Variants in ZFYVE26 observed in about 807,000 individuals in gnomAD.
ZFYVE26 encodes zinc finger FYVE-type containing 26, also known as zinc finger FYVE domain-containing protein 26.
In ZFYVE26, 181 loss-of-function variants were observed where a neutral mutation model predicts 276.5. The observed-to-expected ratio is 0.65, with a 90% CI of 0.58 to 0.74. The LOEUF (loss-of-function observed/expected upper bound fraction) is 0.74. ZFYVE26 is among the 30% of genes least tolerant of loss of function. ZFYVE26 has a pLI of 0.00. For synonymous variants in ZFYVE26, 1,129 were observed against 1,203.1 expected (o/e 0.94, Z 1.27); for missense variants, 2,821 against 3,097.9 (o/e 0.91, Z 2.12).
At chr14:67,770,777 C>T (rs551942911) in intron 28 of ZFYVE26, among the ~76,000 whole-genome samples, 1 of 152,260 alleles carries the variant, frequency 6.6e-6, no homozygotes, top group South Asian at 2.1e-4. Context: ...GAAACTCTTT[C>T]TATAATCTAC....
In ZFYVE26 at chr14:67,786,183, G is replaced by A. The variant is rs267604032; in HGVS notation, c.3070C>T (p.Pro1024Ser). ...TTACTGATTTGCTGAAGAACAACTG[G>A]AAAACCTCGAATGCCATCAGCATTT... Reference protein sequence around the residue: ...LLNADGIRGFPVVLQQISKSL... With the variant: ...LLNADGIRGFSVVLQQISKSL... Residue 1024 changes from proline (P) to serine (S), a missense_variant, in exon 17 of 42, where the codon CCA becomes TCA. Transcript: ENST00000347230. 1 of 1,602,130 alleles carries A rather than the reference G, an allele frequency of 6.2e-7. No individual in the cohort carries two copies.
At chr14:67,736,415 A>G (rs952598512) in intron 13 of ZFYVE26, among the ~76,000 whole-genome samples, 1 of 152,230 alleles carries the variant, frequency 6.6e-6, no homozygotes, top group African/African-American at 2.4e-5. Flanking sequence ...AAACATAGAC[A>G]ATGTCATAAG....
chr14:67,809,000 C>A (rs1294107166), intron 4 of ZFYVE26, among the ~76,000 whole-genome samples, 200 bp downstream of exon 4: 1 of 152,176 alleles, frequency 6.6e-6, no homozygotes, highest in Non-Finnish European at 1.5e-5. Context: ...CTTGGTACTT[C>A]TGGACAACCA....
At chr14:67,795,593 C>T (rs987750056) in intron 12 of ZFYVE26, among the ~76,000 whole-genome samples, 2 of 152,170 alleles carry the variant, frequency 1.3e-5, no homozygotes, top group African/African-American at 2.4e-5. Context: ...CTCAAGATAC[C>T]TAGTATTGTT....
intron 14 of ZFYVE26, among the ~76,000 whole-genome samples, chr14:67,791,650 T>C (rs2039815717): frequency 6.6e-6 from 1 of 151,210 alleles, no homozygotes; most frequent in Non-Finnish European, 1.5e-5. Context: ...AATAAAAGTT[T>C]TTATTGAAAA....
intron 14 of ZFYVE26, 126 bp from the exon 15 acceptor site, chr14:67,790,899 A>T: frequency 1.2e-6 from 1 of 842,000 alleles, no homozygotes; most frequent in East Asian, 2.5e-5. Context: ...GTAGGGTCAG[A>T]AGAGCACTGA....
At chr14:67,754,658 G>A (rs1444143233) in intron 37 of ZFYVE26, among the ~76,000 whole-genome samples, 2 of 152,220 alleles carry the variant, frequency 1.3e-5, no homozygotes, top group African/African-American at 4.8e-5. Flanking sequence ...AGAGGGACTG[G>A]CAAGTATAAA....
chr14:67,806,101 G>T (rs1313127149), intron 6 of ZFYVE26, among the ~76,000 whole-genome samples: 1 of 152,190 alleles, frequency 6.6e-6, no homozygotes, highest in Non-Finnish European at 1.5e-5. Context: ...GCTCCCTGAA[G>T]GCAGAGACTG....
chr14:67,760,728 G>GA lies in ZFYVE26; in HGVS notation c.6588+637dup, dbSNP rs369648806. ...GGGCAACATAGTGAGTCCCCATCTCGAAAAAACAAAAACAAAAAAATGGGT... is the reference window on the plus strand; with the variant it reads ...GGGCAACATAGTGAGTCCCCATCTCGAAAAAAACAAAAACAAAAAAATGGGT... On this transcript the variant is annotated intron_variant, in intron 35 of 41. Coordinates refer to ENST00000347230, the MANE Select transcript of ZFYVE26 (RefSeq NM_015346.4). 4.0e-3 allele frequency: 674 copies of GA among 168,024 alleles called. 7 individuals carry two copies. The highest frequency in any genetic ancestry group is 0.015 in the African/African-American group (631 of 41,656). The allele number at this position is 168,024 out of a possible 1,614,324, so 10.4% of individuals were successfully genotyped here. A position where few individuals can be genotyped will look rare whatever the true frequency, so the allele number is the denominator to read the frequency against.
chr14:67,748,535 G>A lies in ZFYVE26; in HGVS notation c.7521C>T (p.Ala2507=), dbSNP rs745599153. ...ATALVQQVQQ[A]AKSSGDAVVQ... ...CTACTGCATCCCCGCTGCTCTTGGC[G>A]GCCTGCTGCACCTGCTGGACAAGGG... The change falls in exon 42 of 42, where the codon GCC becomes GCT. Residue 2507 remains alanine, a synonymous_variant. Transcript: ENST00000347230. 28 of 1,613,992 alleles carry A rather than the reference G, an allele frequency of 1.7e-5. No individual in the cohort carries two copies. The highest frequency in any genetic ancestry group is 2.2e-5 in the East Asian group (1 of 44,892).
chr14:67,769,828 C>A, intron 28 of ZFYVE26, 98 bp from the exon 29 acceptor site: 1 of 1,539,008 alleles, frequency 6.5e-7, no homozygotes, highest in Non-Finnish European at 8.9e-7. Context: ...GTGGCTTATA[C>A]TTTCTAAGAA....
chr14:67,806,056 G>T (rs1030078300), intron 6 of ZFYVE26, among the ~76,000 whole-genome samples: 2 of 152,100 alleles, frequency 1.3e-5, no homozygotes, highest in African/African-American at 4.8e-5. Context: ...GGTGAATTGA[G>T]TAAAATAAAT....
At chr14:67,781,922 T>C (rs2039511072) in intron 21 of ZFYVE26, among the ~76,000 whole-genome samples, 1 of 152,236 alleles carries the variant, frequency 6.6e-6, no homozygotes, top group South Asian at 2.1e-4. Context: ...TTCCACCCTG[T>C]GCCATACATA....
At chr14:67,805,915 T>A (rs546375454) in intron 6 of ZFYVE26, among the ~76,000 whole-genome samples, 1 of 152,164 alleles carries the variant, frequency 6.6e-6, no homozygotes, top group East Asian at 1.9e-4. Flanking sequence ...TAATCCCAGC[T>A]ACTTGGGAGG....
intron 23 of ZFYVE26, among the ~76,000 whole-genome samples, chr14:67,779,295 G>A (rs888504478): frequency 6.6e-6 from 1 of 152,224 alleles, no homozygotes; most frequent in Non-Finnish European, 1.5e-5. Context: ...AGGTGCTGTA[G>A]CTCATGCCTG....
chr14:67,787,201 G>A (rs922414983), intron 16 of ZFYVE26, among the ~76,000 whole-genome samples: 2 of 152,036 alleles, frequency 1.3e-5, no homozygotes, highest in African/African-American at 4.8e-5. Flanking sequence ...AAAATTAGCT[G>A]GGCGTGGTGG....
rs533339830 is a variant in ZFYVE26 at position 67,814,450 on chromosome 14, C to T, written c.195-386G>A. 2.6e-5 allele frequency among the ~76,000 whole-genome samples: 4 copies of T among 152,158 alleles called. No individual in the cohort carries two copies. In the East Asian group the frequency reaches 5.8e-4, roughly 22 times the overall value. On this transcript the variant is annotated intron_variant, in intron 2 of 41. Coordinates refer to ENST00000347230, the MANE Select transcript of ZFYVE26 (RefSeq NM_015346.4). ...AGGAGAATCGCTTGAACCTGGGAGG[C>T]GGAGGTTGCAGTGAGCCTAGATCAT... is the stretch of plus-strand genomic sequence containing the variant.
intron 32 of ZFYVE26, among the ~76,000 whole-genome samples, chr14:67,764,840 G>A (rs957457453): frequency 2.0e-4 from 31 of 152,152 alleles, no homozygotes; most frequent in African/African-American, 7.2e-4. Context: ...GCTGCCCTGA[G>A]CCTAAAAATG....
rs181262513 is a variant in ZFYVE26, at chr14:67,735,757, G to A, written n.2680-5938C>T. Among the ~76,000 whole-genome samples, 912 of 152,306 alleles carry A rather than the reference G, an allele frequency of 6.0e-3. 4 individuals are homozygous for A. The highest frequency in any genetic ancestry group is 8.8e-3 in the Admixed American group (135 of 15,294). ...ACACCCTTAGCTAATCTAGCCTGGG[G>A]TGGAAAATCTTTTTCTTTTGGCTCA... On this transcript the variant is annotated intron_variant and non_coding_transcript_variant, in intron 13 of 14. Coordinates refer to the ZFYVE26 transcript ENST00000394455.
Sources: allele counts gnomAD v4.1 joint callset (sites outside exome capture counted in the v4.1 genomes callset), GRCh38; gene constraint gnomAD v4.1.1; transcripts MANE v1.5; gene names NCBI Gene and HGNC (gene_info 2026-07-23, HGNC 2026-07-21).